STIMATE: variants seen among roughly 807,000 people sequenced by gnomAD.
STIMATE encodes the protein STIM activating enhancer, also known as store-operated calcium entry regulator STIMATE.
In STIMATE, 15 loss-of-function variants were observed where a neutral mutation model predicts 36.7. The ratio of observed to expected loss-of-function variants is 0.41; its 90% CI spans 0.27 to 0.63. The LOEUF is 0.63. STIMATE is among the 20% of genes least tolerant of loss of function. The probability of loss-of-function intolerance (pLI) is 0.32; values close to 1 mark genes in which losing one functional copy is unlikely to be tolerated. For missense variants in STIMATE, 305 were observed against 397.3 expected, an observed-to-expected ratio of 0.77 and a Z score of 1.98; for synonymous variants, 163 against 162.3, an observed-to-expected ratio of 1.00 and a Z score of -0.03.
chr3:52,848,039 G>T (rs1489571948), intron 4 of STIMATE: 1 of 154,418 alleles, frequency 6.5e-6, no homozygotes, highest in Non-Finnish European at 1.4e-5. Flanking sequence ...CTTTAGCCCA[G>T]TGAGACCCAT....
At chr3:52,876,792 G>A (rs546860638) in intron 1 of STIMATE, among the ~76,000 whole-genome samples, 1 of 152,258 alleles carries the variant, frequency 6.6e-6, no homozygotes, top group South Asian at 2.1e-4. Flanking sequence ...TATTGGGTCA[G>A]GCTTCTAGTC....
intron 4 of STIMATE, chr3:52,848,605 G>T (rs974405860): frequency 6.6e-5 from 10 of 152,318 alleles, no homozygotes; most frequent in African/African-American, 2.4e-4. Flanking sequence ...GGGGTGGTGG[G>T]AGGGTTTAGG....
chr3:52,889,099 C>T (rs4687685), intron 1 of STIMATE, among the ~76,000 whole-genome samples: 145,859 of 152,260 alleles, frequency 0.96, 70,191 homozygotes, highest in East Asian at 1. Context: ...AAACAAGATG[C>T]GGCAGGAGGG....
At chr3:52,882,174 A>C (rs1701616395) in intron 1 of STIMATE, among the ~76,000 whole-genome samples, 1 of 152,130 alleles carries the variant, frequency 6.6e-6, no homozygotes, top group South Asian at 2.1e-4. Flanking sequence ...GCTCCTCACC[A>C]CGTGGGTCTC....
At chr3:52,870,624 T>C (rs1701385607) in intron 1 of STIMATE, among the ~76,000 whole-genome samples, 1 of 151,932 alleles carries the variant, frequency 6.6e-6, no homozygotes, top group South Asian at 2.1e-4. Flanking sequence ...CCACGCGAAG[T>C]GAATGCATGG....
chr3:52,855,351 C>T (rs1165623263), intron 2 of STIMATE, 45 bp downstream of exon 2: 2 of 1,522,610 alleles, frequency 1.3e-6, no homozygotes, highest in African/African-American at 1.4e-5. Flanking sequence ...AGACCCCCAA[C>T]ATAGTCAAAA....
chr3:52,865,135 T>TG (rs1173783701), intron 1 of STIMATE, among the ~76,000 whole-genome samples: 2 of 152,230 alleles, frequency 1.3e-5, no homozygotes, highest in East Asian at 3.9e-4. Context: ...TTAGTAGAGA[T>TG]GGGGTTTCAC....
chr3:52,890,919 T>G (rs1466606712), intron 1 of STIMATE, among the ~76,000 whole-genome samples: 1 of 152,058 alleles, frequency 6.6e-6, no homozygotes. Context: ...ACCTCAGCCT[T>G]GGGGTAGAAT....
rs1418804845 is a variant in STIMATE at position 52,843,210 on chromosome 3, G to C, written c.619-250C>G. ...GACGGGTTTTTGTTGTGGTAACTAG[G>C]GGGAACAGCCTGTTTGGGGCCTGGA... On this transcript the variant is annotated intron_variant, in intron 6 of 7. Coordinates refer to ENST00000355083, the MANE Select transcript of STIMATE (RefSeq NM_198563.5). 10 of 640,520 alleles carry C rather than the reference G, an allele frequency of 1.6e-5. No homozygotes were observed. The East Asian group carries it at 3.1e-4, about 20-fold the overall frequency. The allele number at this position is 640,520 out of a possible 1,614,324, so 39.7% of individuals were successfully genotyped here. A position where few individuals can be genotyped will look rare whatever the true frequency, so the allele number is the denominator to read the frequency against.
intron 7 of STIMATE, among the ~76,000 whole-genome samples, chr3:52,842,333 A>C (rs1485829989): frequency 6.6e-6 from 1 of 152,228 alleles, no homozygotes; most frequent in Non-Finnish European, 1.5e-5. Context: ...TCAGAAGACC[A>C]GAAAATAAGG....
chr3:52,877,397 A>T (rs57430179), intron 1 of STIMATE, among the ~76,000 whole-genome samples: 2 of 152,292 alleles, frequency 1.3e-5, no homozygotes, highest in Admixed American at 1.3e-4. Context: ...CTCATGCCAT[A>T]GTCTAGAACA....
intron 1 of STIMATE, among the ~76,000 whole-genome samples, chr3:52,885,001 A>G (rs931593348): frequency 3.3e-5 from 5 of 152,192 alleles, no homozygotes; most frequent in Non-Finnish European, 5.9e-5. Flanking sequence ...CAATTTTCCA[A>G]AGTGGTTGTA....
At chr3:52,849,294 G>A (rs1700958320) in intron 4 of STIMATE, among the ~76,000 whole-genome samples, 1 of 152,198 alleles carries the variant, frequency 6.6e-6, no homozygotes, top group East Asian at 1.9e-4. Flanking sequence ...TGAGGAAGGT[G>A]CCCTCCAGTA....
intron 1 of STIMATE, among the ~76,000 whole-genome samples, chr3:52,855,955 G>A (rs1009396169): frequency 6.6e-6 from 1 of 152,196 alleles, no homozygotes; most frequent in Non-Finnish European, 1.5e-5. Flanking sequence ...GTCGCAGAAC[G>A]ATGGCACAAG....
At chr3:52,847,254 T>C (rs565322011) in intron 4 of STIMATE, 58 of 1,166,448 alleles carry the variant, frequency 5.0e-5, no homozygotes, top group Non-Finnish European at 6.2e-5. Flanking sequence ...ACCTCAGGCA[T>C]GTGGGTGTTT....
intron 1 of STIMATE, among the ~76,000 whole-genome samples, chr3:52,858,915 T>C (rs1252454973): frequency 3.3e-5 from 5 of 152,086 alleles, no homozygotes; most frequent in Admixed American, 3.3e-4. Context: ...TCCCAGCACT[T>C]AGGGAGGCCG....
intron 2 of STIMATE, 127 bp downstream of exon 2, chr3:52,855,269 C>G: frequency 8.3e-7 from 1 of 1,202,804 alleles, no homozygotes; most frequent in Admixed American, 2.7e-5. Context: ...ATTCCACATA[C>G]ATTATATTAT....
At chr3:52,863,518 A>G (rs1251564431) in intron 1 of STIMATE, among the ~76,000 whole-genome samples, 2 of 152,228 alleles carry the variant, frequency 1.3e-5, no homozygotes, top group East Asian at 3.9e-4. Flanking sequence ...GTGGGGACAC[A>G]GAGCCAAACC....
At chr3:52,883,291 T>C (rs1207027615) in intron 1 of STIMATE, among the ~76,000 whole-genome samples, 3 of 152,242 alleles carry the variant, frequency 2.0e-5, no homozygotes, top group Non-Finnish European at 4.4e-5. Flanking sequence ...CTTGAATAGC[T>C]TGACAAAAAA....
Sources: allele counts gnomAD v4.1 joint callset (sites outside exome capture counted in the v4.1 genomes callset), GRCh38; gene constraint gnomAD v4.1.1; transcripts MANE v1.5; gene names NCBI Gene and HGNC (gene_info 2026-07-23, HGNC 2026-07-21).